SUCLG2: variants seen among roughly 807,000 people sequenced by gnomAD.
The protein encoded by SUCLG2 is succinate--CoA ligase [GDP-forming] subunit beta, mitochondrial.
A neutral mutation model predicts 47.9 loss-of-function variants in SUCLG2; 42 were observed. That is an observed-to-expected ratio of 0.88 (90% CI 0.69 to 1.14). The LOEUF is 1.14. SUCLG2 is among the 50% of genes most tolerant of loss of function. The pLI is 0.00. For missense variants in SUCLG2, 571 were observed against 525.9 expected, an observed-to-expected ratio of 1.09 and a Z score of -0.84; for synonymous variants, 195 against 197.3, an observed-to-expected ratio of 0.99 and a Z score of 0.10.
At chr3:67,489,720 T>A (rs944965257) in intron 9 of SUCLG2, among the ~76,000 whole-genome samples, 1 of 152,166 alleles carries the variant, frequency 6.6e-6, no homozygotes, top group East Asian at 1.9e-4. Context: ...ACATGTGGTG[T>A]GTAATGAAAT....
chr3:67,375,830 G>GT lies in SUCLG2; in HGVS notation c.1212dup (p.Leu405ThrfsTer13), dbSNP rs750712818. 2.0e-5 allele frequency: 32 copies of GT among 1,613,790 alleles called. No individual in the cohort carries two copies. The highest frequency in any genetic ancestry group is 2.7e-5 in the Non-Finnish European group (32 of 1,179,910). ...GTAATGGGGAGTCCGCTGTTGTTGA[G>GT]TATCTTCTGGGCCTCTTGGACGTTG... On this transcript the variant is annotated frameshift_variant, in exon 11 of 11. Coordinates refer to ENST00000307227, the MANE Select transcript of SUCLG2 (RefSeq NM_003848.4). LOFTEE classifies it high-confidence loss of function.
chr3:67,380,305 C>A (rs1702127062), intron 10 of SUCLG2, among the ~76,000 whole-genome samples: 1 of 152,032 alleles, frequency 6.6e-6, no homozygotes, highest in African/African-American at 2.4e-5. Context: ...CTTCTCCCAA[C>A]CTGTAGCAGC....
At position 67,375,715 on chromosome 3, in the gene SUCLG2, T is replaced by G. The variant is rs1479427517; in HGVS notation, c.*29A>C. ...ATCCCTTTTTACGGAAAAATGGCTT[T>G]CTTTCTCCATTGGATCAGGACAAAG... is the stretch of plus-strand genomic sequence containing the variant. On this transcript the variant is annotated 3_prime_UTR_variant, in exon 11 of 11. Coordinates refer to ENST00000307227, the MANE Select transcript of SUCLG2 (RefSeq NM_003848.4). The G allele has an allele frequency of 3.8e-6, 6 of 1,592,592 alleles. No individual in the cohort carries two copies. Among genetic ancestry groups the G allele is most frequent in the Non-Finnish European group, 5.1e-6 (6 of 1,170,418 alleles).
chr3:67,647,381 C>T (rs1342908889), intron 1 of SUCLG2, among the ~76,000 whole-genome samples: 1 of 152,190 alleles, frequency 6.6e-6, no homozygotes, highest in African/African-American at 2.4e-5. Context: ...TGACCATACT[C>T]AGTACACTGG....
At chr3:67,497,762 C>A (rs1028669484) in intron 8 of SUCLG2, among the ~76,000 whole-genome samples, 1 of 152,092 alleles carries the variant, frequency 6.6e-6, no homozygotes, top group African/African-American at 2.4e-5. Flanking sequence ...TTTTTGCATA[C>A]CACAGCCATT....
At position 67,638,968 on chromosome 3, in the gene SUCLG2, A is replaced by G. The variant is rs565028461; in HGVS notation, c.84+15535T>C. Among the ~76,000 whole-genome samples the G allele has an allele frequency of 2.9e-3, 438 of 152,276 alleles. 2 individuals are homozygous for G. The highest frequency in any genetic ancestry group is 0.01 in the African/African-American group (421 of 41,538). ...ACTTCCTCCCTCATAGAAGTTTAAG[A>G]AAATAAGAAAAAAAAATTATCTAGA... On this transcript the variant is annotated intron_variant, in intron 1 of 10. Transcript: ENST00000307227.
chr3:67,429,592 C>T (rs1010289952), intron 9 of SUCLG2, among the ~76,000 whole-genome samples: 1 of 152,168 alleles, frequency 6.6e-6, no homozygotes, highest in African/African-American at 2.4e-5. Context: ...CAAATTCACA[C>T]ATAACAATAT....
chr3:67,559,991 C>A (rs1310110801), intron 2 of SUCLG2, among the ~76,000 whole-genome samples: 1 of 152,050 alleles, frequency 6.6e-6, no homozygotes, highest in Non-Finnish European at 1.5e-5. Context: ...TATATGGGAA[C>A]TCTGTACCTT....
intron 1 of SUCLG2, among the ~76,000 whole-genome samples, chr3:67,638,510 C>T (rs887931254): frequency 6.6e-6 from 1 of 152,194 alleles, no homozygotes; most frequent in South Asian, 2.1e-4. Context: ...TACCTAGGAG[C>T]TCCATGGATC....
At chr3:67,535,656 G>A (rs1276541515) in intron 2 of SUCLG2, among the ~76,000 whole-genome samples, 1 of 152,126 alleles carries the variant, frequency 6.6e-6, no homozygotes, top group African/African-American at 2.4e-5. Context: ...AATAGACTAA[G>A]ACACCAAGCA....
intron 2 of SUCLG2, among the ~76,000 whole-genome samples, chr3:67,532,943 A>G (rs1706441596): frequency 6.6e-6 from 1 of 152,202 alleles, no homozygotes; most frequent in Non-Finnish European, 1.5e-5. Context: ...ATGCTAGATA[A>G]TAAACATTCT....
Position 67,433,940 on chromosome 3 carries a change from TA to T in SUCLG2, c.1063-33090del, listed in dbSNP as rs536974422. Among the ~76,000 whole-genome samples the T allele has an allele frequency of 3.7e-3, 569 of 151,994 alleles. 2 individuals are homozygous for T. The highest frequency in any genetic ancestry group is 0.013 in the African/African-American group (525 of 41,442). On this transcript the variant is annotated intron_variant, in intron 9 of 10. Transcript: ENST00000307227. ...ATTTCTGTTCACAAAAAATTGTAGTTAAAAAAAAGCTTTCAATACCTACGAG... is the reference window on the plus strand; with the variant it reads ...ATTTCTGTTCACAAAAAATTGTAGTTAAAAAAAGCTTTCAATACCTACGAG...
chr3:67,646,993 A>T (rs1481282334), intron 1 of SUCLG2, among the ~76,000 whole-genome samples: 1 of 152,156 alleles, frequency 6.6e-6, no homozygotes, highest in East Asian at 1.9e-4. Flanking sequence ...AGGATCAGCG[A>T]TCTTGTCCTT....
At chr3:67,515,263 G>GA (rs1559554408) in intron 6 of SUCLG2, among the ~76,000 whole-genome samples, 1 of 152,066 alleles carries the variant, frequency 6.6e-6, no homozygotes, top group East Asian at 1.9e-4. Flanking sequence ...AGAATATCCA[G>GA]AAAAAAAGAG....
At chr3:67,621,018 A>G (rs1700727299) in intron 1 of SUCLG2, among the ~76,000 whole-genome samples, 1 of 152,262 alleles carries the variant, frequency 6.6e-6, no homozygotes, top group Admixed American at 6.5e-5. Flanking sequence ...ATTAAACCAG[A>G]TTAAGGTTAG....
intron 9 of SUCLG2, among the ~76,000 whole-genome samples, chr3:67,483,921 A>G (rs545816682): frequency 6.6e-6 from 1 of 152,252 alleles, no homozygotes; most frequent in African/African-American, 2.4e-5. Context: ...CTGGTACTTG[A>G]GTCTCCCTAG....
chr3:67,609,949 T>G (rs1700498690), intron 1 of SUCLG2, among the ~76,000 whole-genome samples: 1 of 152,196 alleles, frequency 6.6e-6, no homozygotes, highest in African/African-American at 2.4e-5. Context: ...GAAGAGTACA[T>G]GGGGCTGCTA....
At chr3:67,385,301 C>T (rs1323067282) in intron 10 of SUCLG2, among the ~76,000 whole-genome samples, 1 of 152,212 alleles carries the variant, frequency 6.6e-6, no homozygotes, top group Non-Finnish European at 1.5e-5. Flanking sequence ...GGCTCTTGTT[C>T]CTGAAGGGAT....
intron 2 of SUCLG2, among the ~76,000 whole-genome samples, chr3:67,546,756 C>T (rs564719283): frequency 6.6e-6 from 1 of 151,530 alleles, no homozygotes; most frequent in African/African-American, 2.4e-5. Flanking sequence ...ACAAAATTAG[C>T]TGAGCATGGT....
Sources: gnomAD v4.1 joint callset for allele counts (sites outside exome capture counted in the v4.1 genomes callset) on GRCh38, gnomAD v4.1.1 for gene constraint, MANE v1.5 for transcripts, NCBI Gene and HGNC (gene_info 2026-07-23, HGNC 2026-07-21) for gene names.